The following ZNF652 variants were observed in gnomAD, a reference collection of about 807,000 sequenced individuals.
ZNF652 encodes zinc finger protein 652.
Under a neutral mutation model 45.2 loss-of-function variants are expected in ZNF652, and 16 were observed. That is an observed-to-expected ratio of 0.35 (90% confidence interval 0.24 to 0.54). The LOEUF is 0.54. Ranked by LOEUF, ZNF652 falls within the 20% of genes least tolerant of loss-of-function variation. The probability of loss-of-function intolerance (pLI) is 0.91; values close to 1 mark genes in which losing one functional copy is unlikely to be tolerated. For missense variants in ZNF652, 614 were observed against 765.6 expected (o/e 0.80, Z 2.34); for synonymous variants, 250 against 260.6 (o/e 0.96, Z 0.39).
At chr17:49,341,643 A>G (rs539191025) in intron 1 of ZNF652, among the ~76,000 whole-genome samples, 2 of 152,202 alleles carry the variant, frequency 1.3e-5, no homozygotes, top group Admixed American at 6.5e-5. Flanking sequence ...TGGCCTGGGC[A>G]ACAGCAAGAC....
chr17:49,318,621 G>A (rs754850156), intron 1 of ZNF652, among the ~76,000 whole-genome samples: 16 of 152,086 alleles, frequency 1.1e-4, no homozygotes, highest in Non-Finnish European at 2.2e-4. Context: ...TAGATACTAC[G>A]CAATATGCTG....
Position 49,357,525 on chromosome 17 carries a change from T to C in ZNF652, c.-259+4384A>G, listed in dbSNP as rs530772688. Among the ~76,000 whole-genome samples the C allele has an allele frequency of 1.1e-4, 16 of 152,224 alleles. No homozygotes were observed. The East Asian group carries it at 3.1e-3, about 29-fold the overall frequency. ...TTATAATAAAAATCTCAGAAGACAA[T>C]TGAAATTGTATTAGATAAAATGTTC... On this transcript the variant is annotated intron_variant, in intron 1 of 5. Transcript: ENST00000430262.
chr17:49,361,421 G>T (rs2070392076), intron 1 of ZNF652, among the ~76,000 whole-genome samples: 1 of 152,182 alleles, frequency 6.6e-6, no homozygotes, highest in Non-Finnish European at 1.5e-5. Context: ...GCTGCCGGTG[G>T]CGGGTGTACA....
At chr17:49,353,047 G>C (rs1465850992) in intron 1 of ZNF652, among the ~76,000 whole-genome samples, 1 of 152,136 alleles carries the variant, frequency 6.6e-6, no homozygotes, top group African/African-American at 2.4e-5. Flanking sequence ...TGTGGTGGTG[G>C]TGGTGGTGGT....
intron 1 of ZNF652, among the ~76,000 whole-genome samples, chr17:49,350,996 TATATATATATATATATATACACACAC>T (rs2070269193): frequency 4.5e-5 from 1 of 22,028 alleles, no homozygotes; most frequent in African/African-American, 1.7e-4. Flanking sequence ...TATATATATA[TATATATATATATATATATACACACAC>T]ACACACACAC....
At chr17:49,336,313 A>G (rs554410859) in intron 1 of ZNF652, among the ~76,000 whole-genome samples, 1 of 137,268 alleles carries the variant, frequency 7.3e-6, no homozygotes, top group East Asian at 2.2e-4. Context: ...ATGAGCTGCC[A>G]TGCCCAGCCC....
chr17:49,337,582 C>CA (rs1598307940), intron 1 of ZNF652, among the ~76,000 whole-genome samples: 6 of 152,154 alleles, frequency 3.9e-5, no homozygotes, highest in Admixed American at 3.9e-4. Context: ...CTTCATGAGA[C>CA]ATCCAGTATA....
intron 3 of ZNF652, among the ~76,000 whole-genome samples, 163 bp from the exon 4 acceptor site, chr17:49,312,205 G>A (rs565221851): frequency 1.5e-4 from 19 of 125,394 alleles, no homozygotes; most frequent in African/African-American, 3.7e-4. Context: ...TTGCTCTGTC[G>A]CACAGGCCGG....
chr17:49,307,249 C>T (rs7214496), intron 5 of ZNF652, among the ~76,000 whole-genome samples: 17 of 150,110 alleles, frequency 1.1e-4, no homozygotes, highest in Non-Finnish European at 2.2e-4. Flanking sequence ...CTGGCCAACA[C>T]GGTGAAACCC....
Position 49,295,937 on chromosome 17 carries a change from C to CAAAAAAAAAAAAAA in ZNF652, c.*2462_*2475dup, listed in dbSNP as rs147522359. The CAAAAAAAAAAAAAA allele has an allele frequency of 2.5e-4, 13 of 51,224 alleles. No homozygotes were observed. The highest frequency in any genetic ancestry group is 3.6e-4 in the Non-Finnish European group (10 of 27,554). The allele number at this position is 51,224 out of a possible 1,614,324, so 3.2% of individuals were successfully genotyped here. On this transcript the variant is annotated 3_prime_UTR_variant, in exon 6 of 6. Coordinates refer to ENST00000430262, the MANE Select transcript of ZNF652 (RefSeq NM_001145365.3). ...CAGGCAACAGAACAAGACTCTGCCT[C>CAAAAAAAAAAAAAA]AAAAAAAAAAAAAAAAAAAAAAAAA...
At chr17:49,319,471 G>A (rs111574728) in intron 1 of ZNF652, among the ~76,000 whole-genome samples, 3 of 151,432 alleles carry the variant, frequency 2.0e-5, no homozygotes, top group African/African-American at 7.3e-5. Context: ...CATCTCTACT[G>A]AAAATACAAA....
intron 1 of ZNF652, among the ~76,000 whole-genome samples, chr17:49,346,448 G>A (rs1487522535): frequency 6.6e-6 from 1 of 152,176 alleles, no homozygotes; most frequent in African/African-American, 2.4e-5. Context: ...CTACTTGGGA[G>A]ACTGAGGCAG....
At chr17:49,344,703 C>T (rs991008358) in intron 1 of ZNF652, among the ~76,000 whole-genome samples, 11 of 151,842 alleles carry the variant, frequency 7.2e-5, no homozygotes, top group Admixed American at 1.3e-4. Context: ...TGTATTTTAA[C>T]GGAGACGGAG....
Position 49,317,604 on chromosome 17 carries a change from T to G in ZNF652, c.122A>C (p.Asn41Thr). The change falls in exon 2 of 6, where the codon AAC becomes ACC. Residue 41 changes from asparagine to threonine, a missense_variant. Asn to Thr is a moderately conservative substitution (Grantham distance 65). Transcript: ENST00000430262. ...TTTGGTGGACAGGTCAAGTTCTTGGTTGGCACCATGATAAAAGGAAGATGG... is the reference window on the plus strand; with the variant it reads ...TTTGGTGGACAGGTCAAGTTCTTGGGTGGCACCATGATAAAAGGAAGATGG... The part of the protein sequence containing the change: ...QVPSSFYHGA[N>T]QELDLSTKVY... The G allele has an allele frequency of 6.2e-7, 1 of 1,614,156 alleles. No individual in the cohort carries two copies. Among genetic ancestry groups the G allele is most frequent in the South Asian group, 1.1e-5 (1 of 91,086 alleles).
rs1057407409 is a variant in ZNF652, at chr17:49,297,379, C to T, written c.*1034G>A. The T allele has an allele frequency of 1.3e-5, 2 of 152,478 alleles. No individual in the cohort carries two copies. The highest frequency in any genetic ancestry group is 6.6e-5 in the Admixed American group (1 of 15,252). The allele number at this position is 152,478 out of a possible 1,614,324, so 9.4% of individuals were successfully genotyped here. A position where few individuals can be genotyped will look rare whatever the true frequency, so the allele number is the denominator to read the frequency against. ...ACTACTTCCTCCTCCTGTCAGCAAA[C>T]AGCCTTATTCAAATTTTCAAAACAT... On this transcript the variant is annotated 3_prime_UTR_variant, in exon 6 of 6. Transcript: ENST00000430262.
At position 49,294,806 on chromosome 17, in the gene ZNF652, C is replaced by T. The variant is rs2069449753; in HGVS notation, c.*3607G>A. On this transcript the variant is annotated 3_prime_UTR_variant, in exon 6 of 6. Transcript: ENST00000430262. ...TTGTTATCTATATAATGCTTAAATG[C>T]AGCCTTTGTTGTCTTTAACAGACAT... The T allele has an allele frequency of 6.6e-6, 1 of 152,190 alleles. No homozygotes were observed. The highest frequency in any genetic ancestry group is 2.1e-4 in the South Asian group (1 of 4,838). The allele number at this position is 152,190 out of a possible 1,614,324, so 9.4% of individuals were successfully genotyped here. A position where few individuals can be genotyped will look rare whatever the true frequency, so the allele number is the denominator to read the frequency against.
chr17:49,288,369 A>C (rs2069362763), downstream of ZNF652: 1 of 152,192 alleles, frequency 6.6e-6, no homozygotes, highest in African/African-American at 2.4e-5. Context: ...GTTTTATTCC[A>C]TTCTAAGAGG....
At chr17:49,335,449 A>G (rs1417249724) in intron 1 of ZNF652, among the ~76,000 whole-genome samples, 1 of 152,074 alleles carries the variant, frequency 6.6e-6, no homozygotes, top group East Asian at 1.9e-4. Flanking sequence ...ATTTGTGTCT[A>G]TTCTGTTACC....
At chr17:49,362,255 G>A (rs2070409036), upstream of ZNF652, 1 of 149,774 alleles carries the variant, frequency 6.7e-6, no homozygotes, top group African/African-American at 2.4e-5. Flanking sequence ...GCGAGCGGCG[G>A]CGAGGACGCG....
Sources: gnomAD v4.1 joint callset for allele counts (sites outside exome capture counted in the v4.1 genomes callset) on GRCh38, gnomAD v4.1.1 for gene constraint, MANE v1.5 for transcripts, NCBI Gene and HGNC (gene_info 2026-07-23, HGNC 2026-07-21) for gene names.